TBC1D30: variants seen among roughly 807,000 people sequenced by gnomAD.
The protein encoded by TBC1D30 is TBC1 domain family member 30.
A neutral mutation model predicts 63.2 loss-of-function variants in TBC1D30; 31 were observed. That is an observed-to-expected ratio of 0.49 (90% confidence interval 0.37 to 0.66). TBC1D30 has a LOEUF of 0.66. Among genes scored for constraint, TBC1D30 ranks in the 30% least tolerant of loss-of-function variants. The probability of loss-of-function intolerance (pLI) is 0.00; values close to 1 mark genes in which losing one functional copy is unlikely to be tolerated. For missense variants in TBC1D30, 810 were observed against 953.6 expected (o/e 0.85, Z 1.98); for synonymous variants, 307 against 361.5 (o/e 0.85, Z 1.71).
At chr12:64,783,623 C>G (rs918474395) in intron 1 of TBC1D30, among the ~76,000 whole-genome samples, 3 of 151,648 alleles carry the variant, frequency 2.0e-5, no homozygotes, top group Admixed American at 2.0e-4. Context: ...GCTTCTATAC[C>G]AGCAGATATT....
chr12:64,856,490 C>T (rs2136438106), intron 8 of TBC1D30, among the ~76,000 whole-genome samples: 1 of 136,758 alleles, frequency 7.3e-6, no homozygotes, highest in South Asian at 2.1e-4. Flanking sequence ...CTCTGGATTA[C>T]CAGGCAGAGA....
rs1467191988 is a variant in TBC1D30 at position 64,843,418 on chromosome 12, G to A, written c.971G>A (p.Ser324Asn). The A allele has an allele frequency of 6.5e-7, 1 of 1,536,200 alleles. No individual in the cohort carries two copies. Among genetic ancestry groups the A allele is most frequent in the African/African-American group, 1.4e-5 (1 of 73,036 alleles). ...TGTGAAACAGCAGATGAATTCTACA[G>A]CACCATGGGGCGCCTTACCCAGGAG... ...ECCETADEFY[S>N]TMGRLTQEML... The change falls in exon 8 of 12, where the codon AGC becomes AAC. Residue 324 changes from serine to asparagine, a missense_variant. Physicochemically the swap from Ser to Asn is conservative, Grantham distance 46 (BLOSUM62 1). Coordinates refer to ENST00000539867, the MANE Select transcript of TBC1D30 (RefSeq NM_015279.2).
At chr12:64,804,239 AT>A (rs1388402951) in intron 2 of TBC1D30, among the ~76,000 whole-genome samples, 1 of 151,764 alleles carries the variant, frequency 6.6e-6, no homozygotes, top group African/African-American at 2.4e-5. Context: ...TAGGTATTTT[AT>A]TTTCTTTGAA....
rs1042721406 is a variant in TBC1D30 at position 64,877,604 on chromosome 12, T to C, written c.*1816T>C. ...TGCCATCTGAAGTTAGCATCCAGCT[T>C]CTTAAAAAGCAGCCACGCCTACAGC... On this transcript the variant is annotated 3_prime_UTR_variant, in exon 12 of 12. Coordinates refer to ENST00000539867, the MANE Select transcript of TBC1D30 (RefSeq NM_015279.2). 1 of 152,226 alleles carries C rather than the reference T, an allele frequency of 6.6e-6. No individual in the cohort carries two copies. The highest frequency in any genetic ancestry group is 1.5e-5 in the Non-Finnish European group (1 of 68,054). The allele number at this position is 152,226 out of a possible 1,614,324, so 9.4% of individuals were successfully genotyped here. A position where few individuals can be genotyped will look rare whatever the true frequency, so the allele number is the denominator to read the frequency against.
intron 8 of TBC1D30, among the ~76,000 whole-genome samples, chr12:64,862,225 A>T (rs1202824301): frequency 6.6e-6 from 1 of 152,192 alleles, no homozygotes; most frequent in Non-Finnish European, 1.5e-5. Flanking sequence ...AAGATTTCCG[A>T]CACCCTGAGT....
intron 1 of TBC1D30, among the ~76,000 whole-genome samples, chr12:64,781,747 T>TA (rs1871307802): frequency 2.0e-5 from 3 of 152,044 alleles, no homozygotes; most frequent in Admixed American, 2.0e-4. Flanking sequence ...TCACACCACT[T>TA]AGTGTTTAAC....
At chr12:64,775,104 A>AT (rs200672895) in intron 1 of TBC1D30, among the ~76,000 whole-genome samples, 22,925 of 147,808 alleles carry the variant, frequency 0.16, 1,918 homozygotes, top group Middle Eastern at 0.19. Flanking sequence ...AAAAAAAAAA[A>AT]ATATATATAT....
chr12:64,876,171 T>A lies in TBC1D30; in HGVS notation c.*383T>A, dbSNP rs1879062330. ...CCAAACCTTCCAGTTCTCTGGGTGT[T>A]ACTAATACTCAAGCATGCACATACC... On this transcript the variant is annotated 3_prime_UTR_variant, in exon 12 of 12. Transcript: ENST00000539867. 5.3e-6 allele frequency: 1 copy of A among 188,030 alleles called. No homozygotes were observed. The highest frequency in any genetic ancestry group is 2.4e-5 in the African/African-American group (1 of 42,208). The allele number at this position is 188,030 out of a possible 1,614,324, so 11.6% of individuals were successfully genotyped here. A position where few individuals can be genotyped will look rare whatever the true frequency, so the allele number is the denominator to read the frequency against.
chr12:64,818,688 CA>C, intron 2 of TBC1D30: 2 of 152,554 alleles, frequency 1.3e-5, no homozygotes, highest in East Asian at 3.9e-4. Flanking sequence ...CTGCCCGCCT[CA>C]GCCTCCCAAA....
At chr12:64,783,659 A>C (rs2136292926) in intron 1 of TBC1D30, among the ~76,000 whole-genome samples, 1 of 151,698 alleles carries the variant, frequency 6.6e-6, no homozygotes, top group South Asian at 2.1e-4. Context: ...TTCACCCTCA[A>C]CTCTGAAAAA....
At position 64,795,210 on chromosome 12, in the gene TBC1D30, G is replaced by A. The variant is rs142594437; in HGVS notation, c.643+9165G>A. Among the ~76,000 whole-genome samples, 388 of 152,218 alleles carry A rather than the reference G, an allele frequency of 2.5e-3. 4 individuals are homozygous for A. The highest frequency in any genetic ancestry group is 4.5e-3 in the Non-Finnish European group (305 of 68,020). ...GTCAGTATCTTCAAGTCTTTCATCT[G>A]GGCTGGTCAGATTCTTCAAGGAAGA... On this transcript the variant is annotated intron_variant, in intron 2 of 12. Coordinates refer to the TBC1D30 transcript ENST00000542120.
intron 1 of TBC1D30, among the ~76,000 whole-genome samples, chr12:64,772,516 G>A (rs1380533400): frequency 3.3e-5 from 5 of 151,872 alleles, no homozygotes; most frequent in African/African-American, 1.2e-4. Context: ...TGCAACCTCC[G>A]CCTCCCCGGT....
chr12:64,786,183 C>T, intron 2 of TBC1D30: 1 of 448,124 alleles, frequency 2.2e-6, no homozygotes, highest in Non-Finnish European at 3.6e-6. Flanking sequence ...GAACAAGGAA[C>T]AACTCAGACA....
intron 8 of TBC1D30, among the ~76,000 whole-genome samples, chr12:64,846,373 TG>T (rs1396264758): frequency 6.6e-6 from 1 of 150,994 alleles, no homozygotes; most frequent in Non-Finnish European, 1.5e-5. Context: ...GATTGATTTT[TG>T]TATATGGCAA....
intron 8 of TBC1D30, among the ~76,000 whole-genome samples, chr12:64,854,722 C>T (rs1307572081): frequency 6.6e-6 from 1 of 152,158 alleles, no homozygotes; most frequent in Admixed American, 6.5e-5. Context: ...GTCTCGCTCT[C>T]CTGACCTTGT....
intron 2 of TBC1D30, among the ~76,000 whole-genome samples, chr12:64,808,647 T>A (rs1873023851): frequency 6.6e-6 from 1 of 152,174 alleles, no homozygotes; most frequent in Non-Finnish European, 1.5e-5. Flanking sequence ...TCAGTGACAT[T>A]AGGTACAGTC....
chr12:64,836,745 T>C (rs939218775), intron 6 of TBC1D30, 87 bp downstream of exon 6: 19 of 1,229,904 alleles, frequency 1.5e-5, no homozygotes, highest in South Asian at 5.3e-5. Context: ...AATGGAAATA[T>C]GTATTTCCAG....
chr12:64,792,221 T>C, intron 2 of TBC1D30, among the ~76,000 whole-genome samples: 1 of 152,196 alleles, frequency 6.6e-6, no homozygotes, highest in South Asian at 2.1e-4. Context: ...CTGTCAAGCT[T>C]GAGTAACAAA....
intron 2 of TBC1D30, among the ~76,000 whole-genome samples, chr12:64,816,742 CTTTCT>C (rs1030996715): frequency 3.5e-4 from 54 of 152,184 alleles, no homozygotes; most frequent in Non-Finnish European, 2.8e-4. Flanking sequence ...TCTTTTGTTC[CTTTCT>C]TTTCTTTTCT....
Sources: allele counts gnomAD v4.1 joint callset (sites outside exome capture counted in the v4.1 genomes callset), GRCh38; gene constraint gnomAD v4.1.1; transcripts MANE v1.5; gene names NCBI Gene and HGNC (gene_info 2026-07-23, HGNC 2026-07-21).